FAM135B: variants seen among roughly 807,000 people sequenced by gnomAD.
FAM135B encodes protein FAM135B.
A neutral mutation model predicts 127.7 loss-of-function variants in FAM135B; 43 were observed. The observed-to-expected ratio is 0.34, with a 90% CI of 0.26 to 0.43. The LOEUF is 0.43. Ranked by LOEUF, FAM135B falls within the 20% of genes least tolerant of loss-of-function variation. The pLI, the probability that FAM135B is intolerant of heterozygous loss-of-function variation, is 1.00. For synonymous variants in FAM135B, 670 were observed against 665.1 expected (o/e 1.01, Z -0.11); for missense variants, 1,558 against 1,725.6 (o/e 0.90, Z 1.72).
chr8:138,253,925 A>C (rs1821891258), intron 5 of FAM135B, among the ~76,000 whole-genome samples: 1 of 152,226 alleles, frequency 6.6e-6, no homozygotes. Flanking sequence ...TGGCATTTTC[A>C]ATCTTTCCCA....
At position 138,185,503 on chromosome 8, in the gene FAM135B, A is replaced by G. The variant is rs529519947; in HGVS notation, c.874-6813T>C. Among the ~76,000 whole-genome samples, 3 of 152,320 alleles carry G rather than the reference A, an allele frequency of 2.0e-5. No individual in the cohort carries two copies. The East Asian group carries it at 5.8e-4, about 29-fold the overall frequency. ...CTCTGACAAGAGGACTGGTCAAAGCAAACAAACAAATGAAAGAAACAAACC... is the reference window on the plus strand; with the variant it reads ...CTCTGACAAGAGGACTGGTCAAAGCGAACAAACAAATGAAAGAAACAAACC... On this transcript the variant is annotated intron_variant, in intron 9 of 19. Coordinates refer to ENST00000395297, the MANE Select transcript of FAM135B (RefSeq NM_015912.4).
chr8:138,173,538 C>T (rs1331859898), intron 11 of FAM135B, among the ~76,000 whole-genome samples: 1 of 152,118 alleles, frequency 6.6e-6, no homozygotes, highest in Non-Finnish European at 1.5e-5. Flanking sequence ...ATAGTACCTA[C>T]CTCATAGAGT....
intron 7 of FAM135B, among the ~76,000 whole-genome samples, chr8:138,200,457 C>T (rs1010651559): frequency 6.6e-6 from 1 of 152,338 alleles, no homozygotes; most frequent in Middle Eastern, 3.4e-3. Context: ...AAGGAAGCCA[C>T]TGCTTAATGA....
intron 5 of FAM135B, among the ~76,000 whole-genome samples, chr8:138,254,438 A>T (rs1185375687): frequency 1.3e-5 from 2 of 152,170 alleles, no homozygotes; most frequent in African/African-American, 4.8e-5. Context: ...CCATAAAGCT[A>T]TGAATGAATG....
chr8:138,175,545 T>C (rs1377646904), intron 11 of FAM135B, among the ~76,000 whole-genome samples: 1 of 152,238 alleles, frequency 6.6e-6, no homozygotes, highest in East Asian at 1.9e-4. Context: ...TTGCAAGAGC[T>C]AACTGTGCAC....
chr8:138,491,368 TC>T (rs1472468753), intron 1 of FAM135B, among the ~76,000 whole-genome samples: 3 of 152,112 alleles, frequency 2.0e-5, no homozygotes, highest in Non-Finnish European at 4.4e-5. Flanking sequence ...TAACAATAAA[TC>T]TATAGTTTTC....
chr8:138,172,696 G>A (rs1586678994), intron 11 of FAM135B, among the ~76,000 whole-genome samples: 2 of 152,144 alleles, frequency 1.3e-5, no homozygotes, highest in Admixed American at 6.5e-5. Context: ...AATGGATGAC[G>A]AATAATTATG....
chr8:138,229,218 T>C (rs760285235), intron 7 of FAM135B, among the ~76,000 whole-genome samples: 3 of 152,162 alleles, frequency 2.0e-5, no homozygotes, highest in Non-Finnish European at 2.9e-5. Context: ...CCCTGCTGTG[T>C]CCTACTCTTT....
chr8:138,387,202 T>C (rs112168257), intron 1 of FAM135B, among the ~76,000 whole-genome samples: 1 of 152,156 alleles, frequency 6.6e-6, no homozygotes, highest in African/African-American at 2.4e-5. Context: ...CCAAGTACTA[T>C]GGAGTTGGCT....
chr8:138,414,962 C>G (rs568432219), intron 1 of FAM135B, among the ~76,000 whole-genome samples: 3 of 152,224 alleles, frequency 2.0e-5, no homozygotes, highest in Non-Finnish European at 4.4e-5. Flanking sequence ...ATCAAAGGAC[C>G]TTAAAGGGTC....
Position 138,204,243 on chromosome 8 carries a change from G to A in FAM135B, c.670-6574C>T, listed in dbSNP as rs888565861. ...TCTCTTTAGGGCCTATGCTCTTGCCGTTGGAAATGTCTTTCTGAATTAACC... is the reference window on the plus strand; with the variant it reads ...TCTCTTTAGGGCCTATGCTCTTGCCATTGGAAATGTCTTTCTGAATTAACC... On this transcript the variant is annotated intron_variant, in intron 7 of 19. Transcript: ENST00000395297. 2.6e-5 allele frequency among the ~76,000 whole-genome samples: 4 copies of A among 152,130 alleles called. No individual in the cohort carries two copies. The East Asian group carries it at 5.8e-4, about 22-fold the overall frequency.
intron 9 of FAM135B, among the ~76,000 whole-genome samples, chr8:138,183,797 T>C (rs776749150): frequency 1.3e-5 from 2 of 152,210 alleles, no homozygotes; most frequent in Non-Finnish European, 2.9e-5. Flanking sequence ...AACATCTTGT[T>C]GAGTTCAGTT....
chr8:138,356,698 G>A (rs2131152106), intron 2 of FAM135B, among the ~76,000 whole-genome samples: 1 of 152,178 alleles, frequency 6.6e-6, no homozygotes. Context: ...AGCCTCCAAT[G>A]GTGTCTTCCG....
chr8:138,408,017 C>T (rs1350303714), intron 1 of FAM135B, among the ~76,000 whole-genome samples: 4 of 152,074 alleles, frequency 2.6e-5, no homozygotes, highest in Non-Finnish European at 4.4e-5. Flanking sequence ...TGCTGTAATC[C>T]AGGCTTTGTT....
Position 138,310,971 on chromosome 8 carries a change from G to T in FAM135B, c.78-51C>A. ...GCTGAAGATCAGCCTTCTTAACGTT[G>T]ACTTCTAAAAATACCTAGAATTAAT... On this transcript the variant is annotated intron_variant, in intron 2 of 19. Coordinates refer to ENST00000395297, the MANE Select transcript of FAM135B (RefSeq NM_015912.4). 3 of 1,459,518 alleles carry T rather than the reference G, an allele frequency of 2.1e-6. No individual in the cohort carries two copies. The South Asian group carries it at 3.6e-5, about 18-fold the overall frequency. The allele number at this position is 1,459,518 out of a possible 1,614,324, so 90.4% of individuals were successfully genotyped here. A position where few individuals can be genotyped will look rare whatever the true frequency, so the allele number is the denominator to read the frequency against.
At chr8:138,309,924 C>T (rs1182462270) in intron 3 of FAM135B, among the ~76,000 whole-genome samples, 1 of 141,306 alleles carries the variant, frequency 7.1e-6, no homozygotes, top group Non-Finnish European at 1.5e-5. Flanking sequence ...GAGTGCAGTG[C>T]AGTGGCACAA....
rs3750307 is a variant in FAM135B at position 138,152,327 on chromosome 8, C to T, written c.2148G>A (p.Pro716=). ...GGTGGAGGGCATGTCTTCGAACAAA[C>T]GGGTGCAAGACTTCCCGATCACTGG... is the stretch of plus-strand genomic sequence containing the variant. ...ELPSDREVLH[P]FVRRHALHRN... The change falls in exon 13 of 20, where the codon CCG becomes CCA. Residue 716 remains proline (P), a synonymous_variant. Transcript: ENST00000395297. 0.19 allele frequency: 305,815 copies of T among 1,613,964 alleles called. 29,435 individuals are homozygous for T. The highest frequency in any genetic ancestry group is 0.24 in the South Asian group (21,950 of 91,080).
chr8:138,138,895 T>G, intron 18 of FAM135B, 91 bp downstream of exon 18: 1 of 848,672 alleles, frequency 1.2e-6, no homozygotes, highest in Admixed American at 1.9e-5. Context: ...CTTCTGTGAG[T>G]GAATCAATGT....
chr8:138,342,065 A>C (rs2131064064), intron 2 of FAM135B, among the ~76,000 whole-genome samples: 1 of 152,324 alleles, frequency 6.6e-6, no homozygotes, highest in South Asian at 2.1e-4. Flanking sequence ...TGCTAGAAAC[A>C]CCTACTAGGC....
Sources: gnomAD v4.1 joint callset for allele counts (sites outside exome capture counted in the v4.1 genomes callset) on GRCh38, gnomAD v4.1.1 for gene constraint, MANE v1.5 for transcripts, NCBI Gene and HGNC (gene_info 2026-07-23, HGNC 2026-07-21) for gene names.